SCN11A: variants seen among roughly 807,000 people sequenced by gnomAD.
SCN11A encodes the protein sodium channel protein type 11 subunit alpha.
Under a neutral mutation model 162.2 loss-of-function variants are expected in SCN11A, and 122 were observed. That is an observed-to-expected ratio of 0.75 (90% CI 0.65 to 0.87). The LOEUF is 0.87. Ranked by LOEUF, SCN11A falls within the 40% of genes least tolerant of loss-of-function variation. The pLI, the probability that SCN11A is intolerant of heterozygous loss-of-function variation, is 0.00. For synonymous variants in SCN11A, 758 were observed against 751.5 expected (o/e 1.01, Z -0.14); for missense variants, 2,015 against 2,181.6 (o/e 0.92, Z 1.52).
Position 38,847,629 on chromosome 3 carries a change from G to A in SCN11A, c.4441C>T (p.Arg1481Ter), listed in dbSNP as rs150141467. 15 of 1,614,084 alleles carry A rather than the reference G, an allele frequency of 9.3e-6. No individual in the cohort carries two copies. Among genetic ancestry groups the A allele is most frequent in the Non-Finnish European group, 1.2e-5 (14 of 1,179,982 alleles). The change falls in exon 30 of 30, where the codon CGA becomes TGA. Residue 1481 changes from arginine (R) to a stop codon, truncating the protein, a stop_gained. Transcript: ENST00000302328. LOFTEE classifies it low-confidence loss of function (END_TRUNC). Reference sequence around the variant, plus strand: ...GCAAAGAGGAGAGTCCTGATTCCTCGTGCAGCCCGGACAAGCCTCAGGATT... The same window carrying A: ...GCAAAGAGGAGAGTCCTGATTCCTCATGCAGCCCGGACAAGCCTCAGGATT... Reference protein sequence around the residue: ...GRILRLVRAARGIRTLLFALM... With the variant: ...GRILRLVRAA
At chr3:38,889,850 AATAAAATAAAATAAAAT>A (rs1559510635) in intron 19 of SCN11A, among the ~76,000 whole-genome samples, 4 of 118,924 alleles carry the variant, frequency 3.4e-5, no homozygotes, top group African/African-American at 1.3e-4. Flanking sequence ...AATAAAATAA[AATAAAATAAAATAAAAT>A]AAAGAAATAA....
At chr3:38,906,129 T>C (rs1267126601) in intron 14 of SCN11A, among the ~76,000 whole-genome samples, 1 of 152,216 alleles carries the variant, frequency 6.6e-6, no homozygotes, top group Admixed American at 6.5e-5. Flanking sequence ...TACCTACTTC[T>C]GCAAAGGCCT....
At chr3:39,022,741 C>G (rs1408014943) in intron 2 of SCN11A, among the ~76,000 whole-genome samples, 2 of 152,028 alleles carry the variant, frequency 1.3e-5, no homozygotes, top group Non-Finnish European at 2.9e-5. Flanking sequence ...ATAAGCCAGG[C>G]ACGGTGGTGC....
intron 2 of SCN11A, among the ~76,000 whole-genome samples, chr3:39,017,994 G>C (rs1439694359): frequency 2.6e-5 from 4 of 152,022 alleles, no homozygotes. Context: ...AATTTATTTG[G>C]AAAGAGTTTT....
chr3:39,049,438 A>C (rs750555546), intron 1 of SCN11A, among the ~76,000 whole-genome samples: 8 of 152,274 alleles, frequency 5.3e-5, no homozygotes, highest in Non-Finnish European at 1.2e-4. Flanking sequence ...CAGCGGAAGT[A>C]CAGTGAGCAG....
intron 2 of SCN11A, among the ~76,000 whole-genome samples, chr3:38,980,020 G>A (rs992730106): frequency 1.9e-4 from 29 of 152,130 alleles, no homozygotes; most frequent in African/African-American, 5.3e-4. Flanking sequence ...TGCAGCTCAC[G>A]TATGGCCCAC....
At chr3:39,025,614 T>C (rs887138729) in intron 2 of SCN11A, among the ~76,000 whole-genome samples, 3 of 152,182 alleles carry the variant, frequency 2.0e-5, no homozygotes, top group African/African-American at 7.2e-5. Flanking sequence ...GGGAGTGTCT[T>C]CTAGCATGTT....
chr3:39,026,387 C>T (rs1000567812), intron 2 of SCN11A, among the ~76,000 whole-genome samples: 1 of 152,208 alleles, frequency 6.6e-6, no homozygotes, highest in African/African-American at 2.4e-5. Flanking sequence ...TTGCTCACCA[C>T]GAATTATCTG....
At chr3:38,951,287 G>A (rs2066610827) in intron 4 of SCN11A, among the ~76,000 whole-genome samples, 1 of 152,236 alleles carries the variant, frequency 6.6e-6, no homozygotes, top group Non-Finnish European at 1.5e-5. Flanking sequence ...GAGGGGCTTG[G>A]CACCCGGGCC....
rs565860403 is a variant in SCN11A, at chr3:38,953,650, A to G, written c.-29T>C. Among the ~76,000 whole-genome samples the G allele has an allele frequency of 4.8e-4, 73 of 152,152 alleles. No homozygotes were observed. Among genetic ancestry groups the G allele is most frequent in the Non-Finnish European group, 8.8e-4 (60 of 68,034 alleles). On this transcript the variant is annotated 5_prime_UTR_variant, in exon 4 of 30. Transcript: ENST00000302328. The stretch of plus-strand genomic sequence containing the variant: ...TTACCGAGATTCCTGGCTTGAGCAG[A>G]TGAGAGGACAGTGTGGCCACTCACT...
intron 3 of SCN11A, among the ~76,000 whole-genome samples, chr3:38,954,776 G>A (rs975456145): frequency 6.6e-6 from 1 of 152,154 alleles, no homozygotes; most frequent in Non-Finnish European, 1.5e-5. Flanking sequence ...ATTACCTGAG[G>A]TCAGGAGTTT....
At chr3:39,007,299 A>G (rs1575356255) in intron 2 of SCN11A, among the ~76,000 whole-genome samples, 1 of 152,340 alleles carries the variant, frequency 6.6e-6, no homozygotes, top group East Asian at 1.9e-4. Flanking sequence ...CCTGGCACAA[A>G]GCTCCTAAAA....
At chr3:39,022,832 T>C (rs1382025327) in intron 2 of SCN11A, among the ~76,000 whole-genome samples, 2 of 151,866 alleles carry the variant, frequency 1.3e-5, no homozygotes, top group Non-Finnish European at 2.9e-5. Context: ...TGAGCCCTGA[T>C]CATGCCATTG....
At chr3:38,952,440 T>C (rs2066633961) in intron 4 of SCN11A, among the ~76,000 whole-genome samples, 1 of 152,208 alleles carries the variant, frequency 6.6e-6, no homozygotes, top group African/African-American at 2.4e-5. Context: ...CAGGAAATTA[T>C]AGTAAGAAAC....
intron 14 of SCN11A, 40 bp from the exon 15 acceptor site, chr3:38,905,361 C>A (rs1254346019): frequency 6.3e-7 from 1 of 1,592,296 alleles, no homozygotes. Context: ...AAGACAGGGG[C>A]TGCCTCTCCT....
chr3:38,918,572 T>C (rs929344110), intron 11 of SCN11A, among the ~76,000 whole-genome samples: 1 of 152,220 alleles, frequency 6.6e-6, no homozygotes, highest in Non-Finnish European at 1.5e-5. Context: ...TTATCTTCCA[T>C]GAAATCAGTC....
At chr3:39,038,178 A>G (rs1040214413) in intron 1 of SCN11A, among the ~76,000 whole-genome samples, 5 of 152,234 alleles carry the variant, frequency 3.3e-5, no homozygotes, top group African/African-American at 4.8e-5. Flanking sequence ...TTAAAACAAT[A>G]ATAAACATTT....
chr3:38,921,020 T>C (rs1442292944), intron 10 of SCN11A, 56 bp downstream of exon 10: 10 of 1,504,442 alleles, frequency 6.6e-6, no homozygotes, highest in African/African-American at 1.4e-5. Context: ...CAAGTGAGGA[T>C]AAGGAAAAGT....
intron 1 of SCN11A, among the ~76,000 whole-genome samples, chr3:39,039,237 C>G (rs1042236933): frequency 6.6e-6 from 1 of 152,188 alleles, no homozygotes; most frequent in Admixed American, 6.5e-5. Flanking sequence ...CTAAAACCAC[C>G]GAAGCCCAGA....
Sources: allele counts gnomAD v4.1 joint callset (sites outside exome capture counted in the v4.1 genomes callset), GRCh38; gene constraint gnomAD v4.1.1; transcripts MANE v1.5; gene names NCBI Gene and HGNC (gene_info 2026-07-23, HGNC 2026-07-21).